Variants in PRUNE2 observed in about 807,000 individuals in gnomAD.
PRUNE2 encodes the protein prune homolog 2 with BCH domain.
Under a neutral mutation model 252.0 loss-of-function variants are expected in PRUNE2, and 164 were observed. That is an observed-to-expected ratio of 0.65 (90% confidence interval 0.57 to 0.74). The LOEUF is 0.74. Ranked by LOEUF, PRUNE2 falls within the 30% of genes least tolerant of loss-of-function variation. The pLI is 0.00. For missense variants in PRUNE2, 3,495 were observed against 3,711.0 expected, an observed-to-expected ratio of 0.94 and a Z score of 1.51; for synonymous variants, 1,292 against 1,350.2, an observed-to-expected ratio of 0.96 and a Z score of 0.94.
At chr9:76,818,309 T>C (rs780922154) in intron 6 of PRUNE2, among the ~76,000 whole-genome samples, 26 of 152,298 alleles carry the variant, frequency 1.7e-4, no homozygotes, top group Middle Eastern at 3.4e-3. Context: ...CTCAAATCCT[T>C]GGTTACAGTG....
At chr9:76,673,621 A>G (rs1288117598) in intron 9 of PRUNE2, among the ~76,000 whole-genome samples, 4 of 150,208 alleles carry the variant, frequency 2.7e-5, no homozygotes, top group Non-Finnish European at 5.9e-5. Context: ...TTTTAGACCA[A>G]TATCTTTGAT....
intron 1 of PRUNE2, among the ~76,000 whole-genome samples, chr9:76,876,343 G>T (rs2061475467): frequency 6.6e-6 from 1 of 152,090 alleles, no homozygotes; most frequent in Non-Finnish European, 1.5e-5. Context: ...AGCATTCCAT[G>T]TCCATGACCC....
At chr9:76,881,000 G>A (rs141708116) in intron 1 of PRUNE2, among the ~76,000 whole-genome samples, 11 of 137,446 alleles carry the variant, frequency 8.0e-5, no homozygotes, top group East Asian at 2.1e-4. Flanking sequence ...TCGCTCTATC[G>A]CCCAGGCTGG....
intron 11 of PRUNE2, among the ~76,000 whole-genome samples, chr9:76,649,345 T>C (rs1846222032): frequency 1.0e-5 from 1 of 97,998 alleles, no homozygotes; most frequent in Non-Finnish European, 2.1e-5. Context: ...GATTGTTCTA[T>C]AATTTGTTCC....
chr9:76,651,023 C>T (rs1386318079), intron 11 of PRUNE2, among the ~76,000 whole-genome samples: 1 of 152,122 alleles, frequency 6.6e-6, no homozygotes, highest in Admixed American at 6.6e-5. Flanking sequence ...CTGCTGAAGA[C>T]TCTCTGGGAT....
At chr9:76,737,347 G>A (rs1564184898) in intron 6 of PRUNE2, 2 of 152,220 alleles carry the variant, frequency 1.3e-5, no homozygotes, top group Admixed American at 6.5e-5. Context: ...ATCACTGGCA[G>A]TGCTCGACTG....
chr9:76,735,093 G>A (rs1296906837), intron 6 of PRUNE2, among the ~76,000 whole-genome samples: 1 of 152,196 alleles, frequency 6.6e-6, no homozygotes, highest in African/African-American at 2.4e-5. Flanking sequence ...AGAAACAGAG[G>A]GAAGGGGTGG....
chr9:76,652,524 T>C lies in PRUNE2; in HGVS notation c.8516A>G (p.Asp2839Gly). The stretch of plus-strand genomic sequence containing the variant: ...AAAAGAATCTGCTTCATCGGGGGTA[T>C]CAAGTTCATCCACATTGATGTCAAT... ...DEIDINVDEL[D>G]TPDEADSFEY... The change falls in exon 11 of 19, where the codon GAT becomes GGT. Residue 2839 changes from aspartate (D) to glycine (G), a missense_variant. Coordinates refer to ENST00000376718, the MANE Select transcript of PRUNE2 (RefSeq NM_015225.3). 1 of 1,613,500 alleles carries C rather than the reference T, an allele frequency of 6.2e-7. No homozygotes were observed. The highest frequency in any genetic ancestry group is 8.5e-7 in the Non-Finnish European group (1 of 1,179,524).
intron 1 of PRUNE2, among the ~76,000 whole-genome samples, chr9:76,871,741 GCCTCAGCCT>G (rs2061213072): frequency 6.6e-6 from 1 of 152,160 alleles, no homozygotes; most frequent in South Asian, 2.1e-4. Flanking sequence ...TGATTCTCCT[GCCTCAGCCT>G]CCTGAGTAGC....
rs374420474 is a variant in PRUNE2 at position 76,644,850 on chromosome 9, C to T, written c.8617G>A (p.Glu2873Lys). Residue 2873 changes from glutamate (E) to lysine (K), a missense_variant, in exon 12 of 19, where the codon GAA (glutamate) becomes AAA (lysine). Coordinates refer to ENST00000376718, the MANE Select transcript of PRUNE2 (RefSeq NM_015225.3). Reference sequence around the variant, plus strand: ...AGCCGGTTGTCCTCCCGTTCCTCTTCGGCCGTATATTCTGGAATAGACTCT... The same window carrying T: ...AGCCGGTTGTCCTCCCGTTCCTCTTTGGCCGTATATTCTGGAATAGACTCT... ...ESESIPEYTA[E>K]EEREDNRLWR... is the part of the protein sequence containing the mutation. The T allele has an allele frequency of 2.9e-5, 47 of 1,613,774 alleles. No homozygotes were observed. Among genetic ancestry groups the T allele is most frequent in the Middle Eastern group, 1.6e-4 (1 of 6,084 alleles).
At chr9:76,673,134 C>T (rs2041846929) in intron 9 of PRUNE2, among the ~76,000 whole-genome samples, 1 of 151,588 alleles carries the variant, frequency 6.6e-6, no homozygotes, top group Non-Finnish European at 1.5e-5. Context: ...TTGAAAGGAT[C>T]AACAAAATTG....
chr9:76,904,000 C>T lies in PRUNE2; in HGVS notation c.36+1928G>A, dbSNP rs191082414. ...CTCTAAAGGAGAATGTTATCTACTA[C>T]TATATTTGAGTGTCATACATTAAGT... On this transcript the variant is annotated intron_variant, in intron 1 of 18. Transcript: ENST00000376718. Among the ~76,000 whole-genome samples, 26 of 152,290 alleles carry T rather than the reference C, an allele frequency of 1.7e-4. No homozygotes were observed. In the East Asian group the frequency reaches 4.8e-3, roughly 28 times the overall value.
At chr9:76,826,216 G>A (rs936723727) in intron 5 of PRUNE2, among the ~76,000 whole-genome samples, 8 of 152,174 alleles carry the variant, frequency 5.3e-5, no homozygotes, top group African/African-American at 1.9e-4. Flanking sequence ...GCTCACACCT[G>A]TAATCCCAGC....
chr9:76,618,332 G>A (rs986075262), intron 18 of PRUNE2, among the ~76,000 whole-genome samples: 2 of 152,146 alleles, frequency 1.3e-5, no homozygotes. Context: ...GGACCTCAAC[G>A]CAAAGGAGGT....
chr9:76,842,582 C>A (rs1164052916), intron 4 of PRUNE2, among the ~76,000 whole-genome samples: 1 of 152,108 alleles, frequency 6.6e-6, no homozygotes, highest in East Asian at 1.9e-4. Flanking sequence ...GCAATCTATC[C>A]ACCTGACAAA....
intron 6 of PRUNE2, among the ~76,000 whole-genome samples, chr9:76,768,103 C>T (rs557629638): frequency 1.3e-5 from 2 of 152,320 alleles, no homozygotes; most frequent in South Asian, 4.1e-4. Flanking sequence ...CCCAGCACGG[C>T]TGCCTGGTGA....
At chr9:76,866,626 G>T (rs2060853497) in intron 1 of PRUNE2, among the ~76,000 whole-genome samples, 1 of 152,072 alleles carries the variant, frequency 6.6e-6, no homozygotes, top group African/African-American at 2.4e-5. Flanking sequence ...ATGGGCACGT[G>T]GAGTTCTCTT....
intron 1 of PRUNE2, among the ~76,000 whole-genome samples, chr9:76,874,895 G>A (rs552730984): frequency 6.6e-6 from 1 of 152,276 alleles, no homozygotes; most frequent in South Asian, 2.1e-4. Flanking sequence ...TTAATAATGA[G>A]TCAACAATAA....
Position 76,846,589 on chromosome 9 carries a change from G to T in PRUNE2, c.434C>A (p.Ser145Tyr), listed in dbSNP as rs766626674. The T allele has an allele frequency of 6.2e-7, 1 of 1,613,782 alleles. No individual in the cohort carries two copies. Among genetic ancestry groups the T allele is most frequent in the African/African-American group, 1.3e-5 (1 of 74,934 alleles). ...DANVEFRESSSSLVLKEILQE... is the reference protein window; with the variant it reads ...DANVEFRESSYSLVLKEILQE... ...GAGAATCTCCTTTAGCACGAGAGAA[G>T]AGGAAGACTCTCGGAACTCAACGTT... Residue 145 changes from serine to tyrosine, a missense_variant, in exon 4 of 19, where the codon TCT becomes TAT. Ser to Tyr is a moderately radical substitution (Grantham distance 144, BLOSUM62 -2). Transcript: ENST00000376718.
Sources: gnomAD v4.1 joint callset for allele counts (sites outside exome capture counted in the v4.1 genomes callset) on GRCh38, gnomAD v4.1.1 for gene constraint, MANE v1.5 for transcripts, NCBI Gene and HGNC (gene_info 2026-07-23, HGNC 2026-07-21) for gene names.